TJP1: variants seen among roughly 807,000 people sequenced by gnomAD.
TJP1 encodes tight junction protein ZO-1.
Under a neutral mutation model 194.2 loss-of-function variants are expected in TJP1, and 43 were observed. The ratio of observed to expected loss-of-function variants is 0.22; its 90% confidence interval spans 0.17 to 0.29. The LOEUF is 0.29. TJP1 is among the 10% of genes least tolerant of loss of function. The pLI is 1.00. For missense variants in TJP1, 1,971 were observed against 2,185.7 expected, an observed-to-expected ratio of 0.90 and a Z score of 1.96; for synonymous variants, 801 against 779.0, an observed-to-expected ratio of 1.03 and a Z score of -0.47.
At chr15:29,751,250 A>T (rs2045259337) in intron 8 of TJP1, among the ~76,000 whole-genome samples, 2 of 152,210 alleles carry the variant, frequency 1.3e-5, no homozygotes, top group Non-Finnish European at 2.9e-5. Flanking sequence ...GAAAATAATT[A>T]CCTTAATTCC....
At chr15:29,867,446 T>TGCTG (rs1314544410) in intron 2 of TJP1, among the ~76,000 whole-genome samples, 4 of 152,206 alleles carry the variant, frequency 2.6e-5, no homozygotes, top group African/African-American at 9.6e-5. Flanking sequence ...CATTGGGCCT[T>TGCTG]GCTGGCTCCA....
chr15:29,826,706 G>A (rs1033607607), upstream of TJP1, among the ~76,000 whole-genome samples: 1 of 152,110 alleles, frequency 6.6e-6, no homozygotes, highest in Non-Finnish European at 1.5e-5. Flanking sequence ...GAGAATTCAA[G>A]CGTCTTCTAG....
At chr15:29,751,786 T>C (rs2045297345) in intron 8 of TJP1, among the ~76,000 whole-genome samples, 1 of 152,226 alleles carries the variant, frequency 6.6e-6, no homozygotes, top group African/African-American at 2.4e-5. Flanking sequence ...AATCTGCAAA[T>C]AAGTTTTTTT....
At chr15:29,832,368 C>G (rs2050863323) in intron 2 of TJP1, among the ~76,000 whole-genome samples, 1 of 152,190 alleles carries the variant, frequency 6.6e-6, no homozygotes, top group Non-Finnish European at 1.5e-5. Flanking sequence ...AAGCCACAAA[C>G]TGACTGCATC....
intron 23 of TJP1, among the ~76,000 whole-genome samples, chr15:29,713,520 C>T (rs946153105): frequency 6.6e-6 from 1 of 152,214 alleles, no homozygotes; most frequent in African/African-American, 2.4e-5. Context: ...AAGCACACAT[C>T]ATCTGAAGGA....
At chr15:29,937,884 T>A (rs1486138816) in intron 2 of TJP1, among the ~76,000 whole-genome samples, 3 of 152,184 alleles carry the variant, frequency 2.0e-5, no homozygotes, top group African/African-American at 7.2e-5. Context: ...AAATGCTAAA[T>A]CTAGGTTACA....
At chr15:29,836,379 T>C (rs1173289398) in intron 2 of TJP1, among the ~76,000 whole-genome samples, 1 of 152,002 alleles carries the variant, frequency 6.6e-6, no homozygotes, top group African/African-American at 2.4e-5. Context: ...TTCACGCCAT[T>C]CACCTGCCTC....
intron 10 of TJP1, 110 bp from the exon 11 acceptor site, chr15:29,737,524 A>C: frequency 8.3e-7 from 1 of 1,211,856 alleles, no homozygotes; most frequent in East Asian, 2.5e-5. Context: ...ATCATTTCTA[A>C]AACTTCTCTC....
rs115235111 is a variant in TJP1 at position 29,958,185 on chromosome 15, C to T, written c.174-1821G>A. Among the ~76,000 whole-genome samples the T allele has an allele frequency of 7.7e-3, 1,170 of 152,140 alleles. 13 individuals are homozygous for T. Among genetic ancestry groups the T allele is most frequent in the African/African-American group, 0.026 (1,089 of 41,538 alleles). On this transcript the variant is annotated intron_variant, in intron 1 of 28. Coordinates refer to the TJP1 transcript ENST00000356107. ...CCAATTAAATATTTTACCTTAAATG[C>T]CATTTTGTCTGATGATAATTTTCCC...
chr15:29,701,569 T>C lies in TJP1; in HGVS notation c.*26A>G, dbSNP rs1298218073. On this transcript the variant is annotated 3_prime_UTR_variant, in exon 28 of 28. Coordinates refer to ENST00000614355, the MANE Select transcript of TJP1 (RefSeq NM_001330239.4). Reference sequence around the variant, plus strand: ...AGATTAAGTTTAATCCAGTTTCACATTATTTAAGTTCCTATATTTCAAGAG... The same window carrying C: ...AGATTAAGTTTAATCCAGTTTCACACTATTTAAGTTCCTATATTTCAAGAG... 1 of 1,561,902 alleles carries C rather than the reference T, an allele frequency of 6.4e-7. No homozygotes were observed. Among genetic ancestry groups the C allele is most frequent in the African/African-American group, 1.4e-5 (1 of 73,798 alleles).
chr15:29,746,466 A>T (rs997005433), intron 8 of TJP1, among the ~76,000 whole-genome samples: 2 of 152,186 alleles, frequency 1.3e-5, no homozygotes, highest in Non-Finnish European at 2.9e-5. Context: ...GATACCATAT[A>T]GCTATTTAAA....
At chr15:29,854,900 G>GA (rs533938472) in intron 2 of TJP1, among the ~76,000 whole-genome samples, 3 of 149,516 alleles carry the variant, frequency 2.0e-5, no homozygotes, top group African/African-American at 4.9e-5. Flanking sequence ...TTGAGGAGGG[G>GA]AAAAAAAAAG....
chr15:29,795,412 G>A (rs561186694), intron 2 of TJP1, among the ~76,000 whole-genome samples: 11 of 139,330 alleles, frequency 7.9e-5, no homozygotes, highest in African/African-American at 1.1e-4. Flanking sequence ...GCAAGACTCT[G>A]TCTCAAAAAA....
At chr15:29,727,107 G>A in intron 16 of TJP1, 116 bp from the exon 17 acceptor site, 1 of 841,236 alleles carries the variant, frequency 1.2e-6, no homozygotes. Flanking sequence ...ACTTTGGGAG[G>A]TCGAGGTGGG....
intron 2 of TJP1, among the ~76,000 whole-genome samples, chr15:29,843,775 G>A (rs1033267882): frequency 6.6e-5 from 10 of 152,170 alleles, no homozygotes; most frequent in African/African-American, 2.2e-4. Context: ...GCAGGGGACG[G>A]CTCAATCTAT....
intron 2 of TJP1, among the ~76,000 whole-genome samples, chr15:29,797,904 G>GACA (rs1317096406): frequency 6.6e-6 from 1 of 152,134 alleles, no homozygotes; most frequent in Non-Finnish European, 1.5e-5. Flanking sequence ...AAGATATATG[G>GACA]ACAACAAATG....
chr15:29,926,953 T>TA (rs1239491292), intron 2 of TJP1, among the ~76,000 whole-genome samples: 13 of 151,974 alleles, frequency 8.6e-5, no homozygotes, highest in Admixed American at 2.6e-4. Context: ...TACAGAAATT[T>TA]AAAAAAACTC....
At chr15:29,801,531 G>A (rs2048784496) in intron 1 of TJP1, among the ~76,000 whole-genome samples, 1 of 149,286 alleles carries the variant, frequency 6.7e-6, no homozygotes, top group African/African-American at 2.5e-5. Context: ...GCGGGATCTC[G>A]GCTCACTGCA....
chr15:29,715,557 G>C (rs1008347772), intron 23 of TJP1, among the ~76,000 whole-genome samples: 1 of 152,108 alleles, frequency 6.6e-6, no homozygotes, highest in Non-Finnish European at 1.5e-5. Flanking sequence ...CCAAGCCCAC[G>C]CAACTAAGTA....
Sources: gnomAD v4.1 joint callset for allele counts (sites outside exome capture counted in the v4.1 genomes callset) on GRCh38, gnomAD v4.1.1 for gene constraint, MANE v1.5 for transcripts, NCBI Gene and HGNC (gene_info 2026-07-23, HGNC 2026-07-21) for gene names.